The following GLRA3 variants were observed in gnomAD, a reference collection of about 807,000 sequenced individuals.
The protein encoded by GLRA3 is glycine receptor subunit alpha-3.
In GLRA3, 44 loss-of-function variants were observed where a neutral mutation model predicts 60.4. That is an observed-to-expected ratio of 0.73 (90% confidence interval 0.57 to 0.94). The LOEUF is 0.94. Among genes scored for constraint, GLRA3 ranks in the 40% least tolerant of loss-of-function variants. GLRA3 has a pLI of 0.00. For synonymous variants in GLRA3, 223 were observed against 192.9 expected (o/e 1.16, Z -1.29); for missense variants, 508 against 564.6 (o/e 0.90, Z 1.02).
At chr4:174,764,078 G>A (rs1375748378) in intron 3 of GLRA3, among the ~76,000 whole-genome samples, 2 of 152,098 alleles carry the variant, frequency 1.3e-5, no homozygotes, top group African/African-American at 4.8e-5. Flanking sequence ...TATTGGGAAA[G>A]GAGTTTAACA....
At chr4:174,782,367 A>C (rs894774848) in intron 2 of GLRA3, among the ~76,000 whole-genome samples, 18 of 151,884 alleles carry the variant, frequency 1.2e-4, no homozygotes, top group Non-Finnish European at 2.6e-4. Flanking sequence ...TATCATACTG[A>C]ATGGGGAAAA....
intron 3 of GLRA3, among the ~76,000 whole-genome samples, chr4:174,730,707 T>C (rs189384022): frequency 6.9e-4 from 105 of 152,320 alleles, no homozygotes; most frequent in Admixed American, 1.2e-3. Flanking sequence ...CTAGAAAAGA[T>C]GTTTAGTATC....
intron 3 of GLRA3, among the ~76,000 whole-genome samples, chr4:174,740,299 T>C (rs936918763): frequency 1.3e-5 from 2 of 152,130 alleles, no homozygotes; most frequent in Admixed American, 1.3e-4. Context: ...TTACCCTGTC[T>C]CTTGAAGCGC....
At chr4:174,742,177 A>C (rs1023681062) in intron 3 of GLRA3, among the ~76,000 whole-genome samples, 4 of 152,220 alleles carry the variant, frequency 2.6e-5, no homozygotes, top group African/African-American at 7.2e-5. Context: ...CTGACAAGCT[A>C]AAATTGAATC....
chr4:174,716,527 G>T (rs1477344557), intron 4 of GLRA3, among the ~76,000 whole-genome samples: 1 of 152,150 alleles, frequency 6.6e-6, no homozygotes, highest in Non-Finnish European at 1.5e-5. Flanking sequence ...TTCAAATGAA[G>T]TTCTTTTCTG....
rs572317027 is a variant in GLRA3 at position 174,697,759 on chromosome 4, C to T, written c.575-14820G>A. 3.6e-4 allele frequency among the ~76,000 whole-genome samples: 53 copies of T among 146,210 alleles called. No individual in the cohort carries two copies. In the South Asian group the frequency reaches 0.011, roughly 29 times the overall value. On this transcript the variant is annotated intron_variant, in intron 5 of 9. Transcript: ENST00000274093. ...AACTGCTCTTCTTAAATGACAAACACAACAATAACTTTGTTCATATTTCTC... is the reference window on the plus strand; with the variant it reads ...AACTGCTCTTCTTAAATGACAAACATAACAATAACTTTGTTCATATTTCTC...
chr4:174,797,504 T>G (rs1030032122), intron 1 of GLRA3, among the ~76,000 whole-genome samples: 3 of 152,194 alleles, frequency 2.0e-5, no homozygotes, highest in Non-Finnish European at 4.4e-5. Context: ...TTAACTTAGG[T>G]ATTTTATATA....
chr4:174,763,726 T>G (rs1164463962), intron 3 of GLRA3, among the ~76,000 whole-genome samples: 1 of 152,164 alleles, frequency 6.6e-6, no homozygotes, highest in East Asian at 1.9e-4. Flanking sequence ...GCTTCTTTTA[T>G]CATCACAGTT....
At chr4:174,725,196 G>A (rs564199921) in intron 4 of GLRA3, among the ~76,000 whole-genome samples, 2 of 152,106 alleles carry the variant, frequency 1.3e-5, no homozygotes, top group Non-Finnish European at 2.9e-5. Flanking sequence ...CAGGCCCCAC[G>A]GCCAATCTAT....
intron 2 of GLRA3, among the ~76,000 whole-genome samples, chr4:174,784,034 G>A (rs534357768): frequency 5.5e-4 from 83 of 149,720 alleles, no homozygotes; most frequent in African/African-American, 1.5e-3. Flanking sequence ...TGTTTATTGC[G>A]GCATTATTCA....
intron 7 of GLRA3, among the ~76,000 whole-genome samples, chr4:174,675,843 C>T (rs555892121): frequency 1.3e-5 from 2 of 152,126 alleles, no homozygotes; most frequent in South Asian, 4.1e-4. Context: ...TTCCTATTTT[C>T]AATTTTTATT....
chr4:174,692,912 C>T (rs973182899), intron 5 of GLRA3, among the ~76,000 whole-genome samples: 16 of 147,784 alleles, frequency 1.1e-4, no homozygotes, highest in South Asian at 4.3e-4. Flanking sequence ...TTCCCCTCTG[C>T]GAGAAACACC....
chr4:174,809,304 T>G (rs1219481574), intron 1 of GLRA3, among the ~76,000 whole-genome samples: 1 of 152,214 alleles, frequency 6.6e-6, no homozygotes, highest in Non-Finnish European at 1.5e-5. Flanking sequence ...CTATTCCATC[T>G]AGGTTTGTGT....
At chr4:174,682,978 G>T (rs1316946854) in intron 5 of GLRA3, 39 bp from the exon 6 acceptor site, 14 of 1,543,658 alleles carry the variant, frequency 9.1e-6, no homozygotes, top group Non-Finnish European at 1.2e-5. Flanking sequence ...AGTCTAAAAA[G>T]GGCATTCAAA....
chr4:174,796,185 C>A (rs1016955074), intron 1 of GLRA3, among the ~76,000 whole-genome samples: 3 of 152,002 alleles, frequency 2.0e-5, no homozygotes, highest in Admixed American at 2.0e-4. Flanking sequence ...ATTTTCCTTG[C>A]CCCTTCCACC....
chr4:174,680,656 GA>G (rs1169398620), intron 6 of GLRA3, among the ~76,000 whole-genome samples: 2 of 152,158 alleles, frequency 1.3e-5, no homozygotes, highest in African/African-American at 4.8e-5. Flanking sequence ...GCAAGGGGAA[GA>G]GAGGTAAAAG....
In GLRA3 at chr4:174,656,934, A is replaced by C. The variant is rs530635352; in HGVS notation, c.1072-147T>G. On this transcript the variant is annotated intron_variant, in intron 8 of 9. Coordinates refer to ENST00000274093, the MANE Select transcript of GLRA3 (RefSeq NM_006529.4). ...AATTAATAGATTTTCACATATGCAA[A>C]GTATCTACCCCAACATACAAAACTG... 5.5e-5 allele frequency: 29 copies of C among 527,136 alleles called. No individual in the cohort carries two copies. The Admixed American group carries it at 8.0e-4, about 15-fold the overall frequency. 32.7% of individuals were successfully genotyped at this position (527,136 alleles called of 1,614,324 possible). A position where few individuals can be genotyped will look rare whatever the true frequency, so the allele number is the denominator to read the frequency against.
At chr4:174,653,295 T>C (rs903655769) in intron 9 of GLRA3, among the ~76,000 whole-genome samples, 2 of 152,012 alleles carry the variant, frequency 1.3e-5, no homozygotes, top group Non-Finnish European at 2.9e-5. Flanking sequence ...ATTAAAATTG[T>C]TTTTCTAAAA....
intron 3 of GLRA3, among the ~76,000 whole-genome samples, chr4:174,741,999 G>A (rs1737046274): frequency 6.6e-6 from 1 of 152,034 alleles, no homozygotes; most frequent in South Asian, 2.1e-4. Context: ...CAGAATAATT[G>A]GCATTAGCTA....
Sources: allele counts gnomAD v4.1 joint callset (sites outside exome capture counted in the v4.1 genomes callset), GRCh38; gene constraint gnomAD v4.1.1; transcripts MANE v1.5; gene names NCBI Gene and HGNC (gene_info 2026-07-23, HGNC 2026-07-21).